The following ARSG variants were observed in gnomAD, a reference collection of about 807,000 sequenced individuals.
ARSG encodes arylsulfatase G, also known as ASG.
A neutral mutation model predicts 50.5 loss-of-function variants in ARSG; 37 were observed. The ratio of observed to expected loss-of-function variants is 0.73; its 90% CI spans 0.56 to 0.96. The LOEUF (loss-of-function observed/expected upper bound fraction) is 0.96, where lower values mean the gene tolerates loss of function less well. ARSG is among the 50% of genes least tolerant of loss of function. The pLI, the probability that ARSG is intolerant of heterozygous loss-of-function variation, is 0.00. For missense variants in ARSG, 629 were observed against 675.3 expected, an observed-to-expected ratio of 0.93 and a Z score of 0.76; for synonymous variants, 225 against 254.6, an observed-to-expected ratio of 0.88 and a Z score of 1.11.
At chr17:68,273,784 A>G (rs1489874156) in intron 1 of ARSG, 16 of 1,024,254 alleles carry the variant, frequency 1.6e-5, no homozygotes, top group Non-Finnish European at 2.1e-5. Flanking sequence ...GCTCAGTTCA[A>G]AACTACTGAT....
At chr17:68,397,923 C>T (rs1165617087) in intron 10 of ARSG, among the ~76,000 whole-genome samples, 3 of 152,058 alleles carry the variant, frequency 2.0e-5, no homozygotes, top group Non-Finnish European at 4.4e-5. Flanking sequence ...TTCACCACCA[C>T]GCCTAGATAA....
At chr17:68,426,253 G>GGGGAGGT, downstream of ARSG, 1 of 841,018 alleles carries the variant, frequency 1.2e-6, no homozygotes. Flanking sequence ...GGGGAGCGGG[G>GGGGAGGT]GCTCAAATAA....
In ARSG at chr17:68,269,373, CA is replaced by C. The variant is rs2075256603; in HGVS notation, c.-552+9948del. On this transcript the variant is annotated intron_variant, in intron 1 of 11. Transcript: ENST00000448504. ...TGGAAGAGAGCATGGCGTCCGTTAACAGCATCCTTCCTAGACATAAGCCCCT... is the reference window on the plus strand; with the variant it reads ...TGGAAGAGAGCATGGCGTCCGTTAACGCATCCTTCCTAGACATAAGCCCCT... The C allele has an allele frequency of 1.9e-6, 2 of 1,026,978 alleles. 1 individual carries two copies. The highest frequency in any genetic ancestry group is 3.8e-5 in the African/African-American group (2 of 52,354). 63.6% of individuals were successfully genotyped at this position (1,026,978 alleles called of 1,614,324 possible). A position where few individuals can be genotyped will look rare whatever the true frequency, so the allele number is the denominator to read the frequency against.
chr17:68,273,908 G>A lies in ARSG; in HGVS notation c.-552+14482G>A, dbSNP rs182189710. The A allele has an allele frequency of 5.0e-6, 8 of 1,612,216 alleles. No individual in the cohort carries two copies. In the African/African-American group the frequency reaches 5.3e-5, roughly 11 times the overall value. Reference sequence around the variant, plus strand: ...AACTAAGTGTCTAGACAACTTCTGAGCCAAAGAGGAACACTTACCAGAGAT... The same window carrying A: ...AACTAAGTGTCTAGACAACTTCTGAACCAAAGAGGAACACTTACCAGAGAT... On this transcript the variant is annotated intron_variant, in intron 1 of 11. Transcript: ENST00000448504.
At chr17:68,352,119 G>GAGAGAGAGAGAGAGAGAGAGGAGA (rs1555779523) in intron 5 of ARSG, among the ~76,000 whole-genome samples, 1 of 73,004 alleles carries the variant, frequency 1.4e-5, no homozygotes, top group African/African-American at 4.9e-5. Context: ...GAGAGACAGA[G>GAGAGAGAGAGAGAGAGAGAGGAGA]GAGAGAGAGA....
chr17:68,338,198 G>A (rs2078113385), intron 2 of ARSG, among the ~76,000 whole-genome samples: 1 of 152,130 alleles, frequency 6.6e-6, no homozygotes. Context: ...GTGTGTGTGT[G>A]TGCATGCATG....
intron 2 of ARSG, among the ~76,000 whole-genome samples, chr17:68,327,410 C>T (rs192435033): frequency 6.6e-5 from 10 of 152,234 alleles, no homozygotes; most frequent in Middle Eastern, 3.4e-3. Flanking sequence ...CCCTCCACAG[C>T]GCTAGGAGAA....
At chr17:68,433,800 A>T in the ARSG span, among the ~76,000 whole-genome samples, 10 of 48,294 alleles carry the variant, frequency 2.1e-4, no homozygotes, top group East Asian at 1.2e-3. Context: ...TTTTTTTTTG[A>T]GACAGAGTCT....
intron 8 of ARSG, among the ~76,000 whole-genome samples, chr17:68,375,559 A>G (rs1217876136): frequency 2.6e-5 from 4 of 152,330 alleles, no homozygotes; most frequent in African/African-American, 9.6e-5. Context: ...AATTAAAATT[A>G]ATACAATTTA....
intron 2 of ARSG, among the ~76,000 whole-genome samples, chr17:68,330,430 T>C (rs1028907313): frequency 2.0e-5 from 3 of 151,968 alleles, no homozygotes; most frequent in African/African-American, 7.3e-5. Context: ...AAGGTGGTGG[T>C]AGCTTGGACC....
intron 11 of ARSG, among the ~76,000 whole-genome samples, chr17:68,405,679 G>A (rs189586112): frequency 5.3e-5 from 8 of 151,998 alleles, no homozygotes; most frequent in East Asian, 3.9e-4. Flanking sequence ...TTTTCTTGCC[G>A]AATTGCTCTG....
chr17:68,297,499 C>T lies in ARSG; in HGVS notation c.-552+5931C>T, dbSNP rs555758248. Among the ~76,000 whole-genome samples the T allele has an allele frequency of 6.6e-5, 10 of 152,328 alleles. No individual in the cohort carries two copies. The South Asian group carries it at 1.4e-3, about 22-fold the overall frequency. ...GTGGCGTGTTTGTAGCTTCTGTCTT[C>T]TCTAGGTTCAGAAACCAGCATCAGA... is the stretch of plus-strand genomic sequence containing the variant. On this transcript the variant is annotated intron_variant, in intron 1 of 11. Coordinates refer to ENST00000621439, the MANE Select transcript of ARSG (RefSeq NM_001267727.2).
At chr17:68,401,329 T>C (rs774994052) in intron 10 of ARSG, 31 bp from the exon 11 acceptor site, 3 of 1,601,970 alleles carry the variant, frequency 1.9e-6, no homozygotes, top group Non-Finnish European at 2.6e-6. Flanking sequence ...TGCCAATTTT[T>C]CTATTAGTAA....
intron 2 of ARSG, among the ~76,000 whole-genome samples, chr17:68,308,333 T>C (rs1036256016): frequency 4.6e-5 from 7 of 152,102 alleles, no homozygotes; most frequent in Non-Finnish European, 8.8e-5. Flanking sequence ...CCTTCTGATG[T>C]TCAGATGTGT....
At chr17:68,434,660 A>G in the ARSG span, 4,705 of 1,610,236 alleles carry the variant, frequency 2.9e-3, 114 homozygotes, top group African/African-American at 0.055. Context: ...TTTCATAACC[A>G]TTAGTGGCTT....
At chr17:68,330,647 A>G (rs1050006295) in intron 2 of ARSG, among the ~76,000 whole-genome samples, 2 of 152,102 alleles carry the variant, frequency 1.3e-5, no homozygotes, top group African/African-American at 4.8e-5. Flanking sequence ...GTAGGGAAAA[A>G]TCTAAAGAAA....
rs547620651 is a variant in ARSG at position 68,342,993 on chromosome 17, G to T, written c.219-611G>T. 2.0e-5 allele frequency among the ~76,000 whole-genome samples: 3 copies of T among 152,126 alleles called. No homozygotes were observed. The East Asian group carries it at 5.8e-4, about 29-fold the overall frequency. ...GATTTTGGGATTAAAAACATACAAC[G>T]TTAGTAAGTAGGCACATTTGAAATG... On this transcript the variant is annotated intron_variant, in intron 2 of 11. Coordinates refer to ENST00000621439, the MANE Select transcript of ARSG (RefSeq NM_001267727.2).
chr17:68,373,391 G>A (rs2079965377), intron 8 of ARSG, among the ~76,000 whole-genome samples: 1 of 149,582 alleles, frequency 6.7e-6, no homozygotes, highest in African/African-American at 2.5e-5. Flanking sequence ...CACCACACCT[G>A]GCTGATTTTG....
intron 1 of ARSG, among the ~76,000 whole-genome samples, chr17:68,305,787 G>T (rs72850712): frequency 0.1 from 15,471 of 151,760 alleles, 1,066 homozygotes; most frequent in South Asian, 0.25. Context: ...AAGAATTTTG[G>T]CTGGGCCTGG....
Sources: gnomAD v4.1 joint callset for allele counts (sites outside exome capture counted in the v4.1 genomes callset) on GRCh38, gnomAD v4.1.1 for gene constraint, MANE v1.5 for transcripts, NCBI Gene and HGNC (gene_info 2026-07-23, HGNC 2026-07-21) for gene names.